Variants in STXBP4 observed in about 807,000 individuals in gnomAD.
STXBP4 encodes the protein syntaxin-binding protein 4.
A neutral mutation model predicts 76.1 loss-of-function variants in STXBP4; 55 were observed. The ratio of observed to expected loss-of-function variants is 0.72; its 90% CI spans 0.58 to 0.91. STXBP4 has a LOEUF of 0.91. Among genes scored for constraint, STXBP4 ranks in the 40% least tolerant of loss-of-function variants. The probability of loss-of-function intolerance (pLI) is 0.00; values close to 1 mark genes in which losing one functional copy is unlikely to be tolerated. For synonymous variants in STXBP4, 201 were observed against 220.2 expected (o/e 0.91, Z 0.77); for missense variants, 618 against 636.9 (o/e 0.97, Z 0.32).
At chr17:55,182,930 A>AGGAAGTT in the STXBP4 span, among the ~76,000 whole-genome samples, 2,048 of 152,308 alleles carry the variant, frequency 0.013, 36 homozygotes, top group African/African-American at 0.037. Context: ...CCCATGTTAA[A>AGGAAGTT]GGAAGTTTTT....
intron 12 of STXBP4, among the ~76,000 whole-genome samples, chr17:55,058,671 T>G (rs2078961775): frequency 6.6e-6 from 1 of 152,158 alleles, no homozygotes; most frequent in Non-Finnish European, 1.5e-5. Flanking sequence ...TCGTTGATAT[T>G]CTTAGAAAGT....
At chr17:55,035,975 C>CAT (rs1220443717) in intron 10 of STXBP4, among the ~76,000 whole-genome samples, 1 of 152,026 alleles carries the variant, frequency 6.6e-6, no homozygotes, top group African/African-American at 2.4e-5. Context: ...AGCTAATTAA[C>CAT]ATATGCTTTA....
intron 8 of STXBP4, among the ~76,000 whole-genome samples, chr17:55,020,546 G>A (rs1287630031): frequency 1.3e-5 from 2 of 152,086 alleles, no homozygotes; most frequent in Non-Finnish European, 2.9e-5. Context: ...GGCCGGGCGT[G>A]ATGGCTCACA....
intron 8 of STXBP4, among the ~76,000 whole-genome samples, chr17:55,024,998 G>A (rs567166695): frequency 3.2e-4 from 49 of 151,996 alleles, no homozygotes; most frequent in Non-Finnish European, 6.2e-4. Context: ...AAAATTAGCC[G>A]GGCATGGTGG....
intron 8 of STXBP4, among the ~76,000 whole-genome samples, chr17:55,012,895 A>G (rs1040106733): frequency 1.3e-5 from 2 of 152,206 alleles, no homozygotes; most frequent in Non-Finnish European, 2.9e-5. Context: ...GTTGACAGTT[A>G]TATTCTATCT....
intron 16 of STXBP4, among the ~76,000 whole-genome samples, chr17:55,120,798 T>C (rs1388157925): frequency 6.8e-6 from 1 of 147,140 alleles, no homozygotes; most frequent in African/African-American, 2.5e-5. Flanking sequence ...AGGACTGTGT[T>C]TCCTAGAAGA....
At chr17:55,086,619 T>G (rs1403330166) in intron 16 of STXBP4, among the ~76,000 whole-genome samples, 1 of 152,094 alleles carries the variant, frequency 6.6e-6, no homozygotes, top group Non-Finnish European at 1.5e-5. Context: ...ACTTTTTTAT[T>G]CGTATATGGA....
At chr17:55,126,547 C>G (rs1402977809) in intron 16 of STXBP4, among the ~76,000 whole-genome samples, 2 of 152,068 alleles carry the variant, frequency 1.3e-5, no homozygotes, top group Non-Finnish European at 2.9e-5. Context: ...GTTTGGGTTG[C>G]ACAGGTGTAA....
chr17:55,144,626 G>A (rs1398986922), intron 17 of STXBP4, among the ~76,000 whole-genome samples: 1 of 152,140 alleles, frequency 6.6e-6, no homozygotes, highest in African/African-American at 2.4e-5. Context: ...TGTACTTGAG[G>A]ACAGGATGCC....
intron 12 of STXBP4, among the ~76,000 whole-genome samples, chr17:55,063,170 ATTC>A (rs2079014084): frequency 2.6e-5 from 4 of 152,324 alleles, no homozygotes; most frequent in Admixed American, 2.6e-4. Context: ...ATACCTAGTG[ATTC>A]ATTAGAGGTG....
intron 8 of STXBP4, among the ~76,000 whole-genome samples, chr17:55,015,729 G>A (rs923284446): frequency 2.6e-5 from 4 of 151,966 alleles, no homozygotes; most frequent in Non-Finnish European, 5.9e-5. Flanking sequence ...TTGAAAGGGG[G>A]TCCTTATTAG....
chr17:55,030,207 C>A (rs980318048), intron 8 of STXBP4, among the ~76,000 whole-genome samples: 6 of 152,136 alleles, frequency 3.9e-5, no homozygotes, highest in African/African-American at 1.4e-4. Context: ...TTCAGAGTAT[C>A]AGGGACCATG....
At chr17:55,111,051 A>G (rs2079707569) in intron 16 of STXBP4, among the ~76,000 whole-genome samples, 1 of 152,220 alleles carries the variant, frequency 6.6e-6, no homozygotes, top group African/African-American at 2.4e-5. Flanking sequence ...ACACTGGTAT[A>G]GATGCAGGTA....
rs117058710 is a variant in STXBP4, at chr17:55,012,196, G to C, written c.666+4599G>C. Among the ~76,000 whole-genome samples, 1,342 of 152,224 alleles carry C rather than the reference G, an allele frequency of 8.8e-3. 9 individuals are homozygous for C. The highest frequency in any genetic ancestry group is 0.048 in the Middle Eastern group (14 of 294). On this transcript the variant is annotated intron_variant, in intron 8 of 17. Coordinates refer to ENST00000376352, the MANE Select transcript of STXBP4 (RefSeq NM_178509.6). ...TTGGCACACTTCACAGTGCACCATT[G>C]GTTACCTTTCCATTGGTTAGCTGCA... is the stretch of plus-strand genomic sequence containing the variant.
rs2080382498 is a variant in STXBP4 at position 55,167,491 on chromosome 17, T to A, written c.*7580T>A. On this transcript the variant is annotated 3_prime_UTR_variant, in exon 18 of 18. Transcript: ENST00000376352. ...TAATGGATTTTGCTGAAGAAGGAAG[T>A]GTATGCTACTTAAGTTGGGCCATAA... 6.6e-6 allele frequency: 1 copy of A among 152,184 alleles called. No individual in the cohort carries two copies. The highest frequency in any genetic ancestry group is 1.5e-5 in the Non-Finnish European group (1 of 68,028). 9.4% of individuals were successfully genotyped at this position (152,184 alleles called of 1,614,324 possible).
the STXBP4 span, among the ~76,000 whole-genome samples, chr17:55,185,970 C>T: frequency 6.6e-6 from 1 of 152,174 alleles, no homozygotes; most frequent in Non-Finnish European, 1.5e-5. Flanking sequence ...TGTGTGGAGG[C>T]ACCAGAGCAT....
the STXBP4 span, among the ~76,000 whole-genome samples, chr17:55,200,844 G>A: frequency 9.9e-3 from 1,514 of 152,226 alleles, 6 homozygotes; most frequent in Non-Finnish European, 0.016. Flanking sequence ...AACAAACATA[G>A]TGCATATGTT....
rs549505121 is a variant in STXBP4 at position 55,110,467 on chromosome 17, G to A, written c.1489+29284G>A. Among the ~76,000 whole-genome samples, 38 of 152,248 alleles carry A rather than the reference G, an allele frequency of 2.5e-4. No individual in the cohort carries two copies. The South Asian group carries it at 3.5e-3, about 14-fold the overall frequency. ...GATAGAATGTGTGCTTGTGGAAGTGGGAGGAGGAATTCAGGGAATTACATT... is the reference window on the plus strand; with the variant it reads ...GATAGAATGTGTGCTTGTGGAAGTGAGAGGAGGAATTCAGGGAATTACATT... On this transcript the variant is annotated intron_variant, in intron 16 of 17. Transcript: ENST00000376352.
At chr17:55,213,127 T>C in the STXBP4 span, among the ~76,000 whole-genome samples, 2 of 152,036 alleles carry the variant, frequency 1.3e-5, no homozygotes, top group East Asian at 3.9e-4. Flanking sequence ...ATGCGGTGGT[T>C]GGGAAGAAAC....
Sources: allele counts gnomAD v4.1 joint callset (sites outside exome capture counted in the v4.1 genomes callset), GRCh38; gene constraint gnomAD v4.1.1; transcripts MANE v1.5; gene names NCBI Gene and HGNC (gene_info 2026-07-23, HGNC 2026-07-21).